PAFAH1B1: variants seen among roughly 807,000 people sequenced by gnomAD.
PAFAH1B1 encodes platelet activating factor acetylhydrolase 1b regulatory subunit 1.
A neutral mutation model predicts 57.5 loss-of-function variants in PAFAH1B1; 2 were observed. The ratio of observed to expected loss-of-function variants is 0.03; its 90% confidence interval spans 0.01 to 0.11. PAFAH1B1 has a LOEUF of 0.11. PAFAH1B1 is among the 10% of genes least tolerant of loss of function. PAFAH1B1 has a pLI of 1.00. For missense variants in PAFAH1B1, 257 were observed against 512.0 expected (o/e 0.50, Z 4.81); for synonymous variants, 152 against 169.6 (o/e 0.90, Z 0.81).
chr17:2,597,184 C>A (rs190424719), intron 1 of PAFAH1B1, among the ~76,000 whole-genome samples: 1 of 152,088 alleles, frequency 6.6e-6, no homozygotes, highest in Admixed American at 6.6e-5. Flanking sequence ...TTTCTTGATA[C>A]ATGTTGGAGA....
In PAFAH1B1 at chr17:2,683,740, C is replaced by G. The variant is rs574872873; in HGVS notation, c.*1938C>G. 1 of 152,606 alleles carries G rather than the reference C, an allele frequency of 6.6e-6. No individual in the cohort carries two copies. Among genetic ancestry groups the G allele is most frequent in the African/African-American group, 2.4e-5 (1 of 41,414 alleles). The allele number at this position is 152,606 out of a possible 1,614,324, so 9.5% of individuals were successfully genotyped here. On this transcript the variant is annotated 3_prime_UTR_variant, in exon 11 of 11. Coordinates refer to ENST00000397195, the MANE Select transcript of PAFAH1B1 (RefSeq NM_000430.4). ...CACAACCCTGCTTACATTGAAAAGT[C>G]TTTTTCCCTTAGCTCTTCTGACTGG... is the stretch of plus-strand genomic sequence containing the variant.
Position 2,666,103 on chromosome 17 carries a change from TTTTTC to T in PAFAH1B1, c.192+17_192+21del. 6.8e-7 allele frequency: 1 copy of T among 1,479,060 alleles called. No individual in the cohort carries two copies. The highest frequency in any genetic ancestry group is 9.2e-7 in the Non-Finnish European group (1 of 1,081,820). The allele number at this position is 1,479,060 out of a possible 1,614,324, so 91.6% of individuals were successfully genotyped here. ...ATTACAAAAGAAGGTAACTAAGTCT[TTTTTC>T]TTTAAAATTAGTTGTATTCAGTTAT... On this transcript the variant is annotated intron_variant, in intron 4 of 10. Coordinates refer to ENST00000397195, the MANE Select transcript of PAFAH1B1 (RefSeq NM_000430.4).
chr17:2,613,931 G>A (rs550770159), intron 1 of PAFAH1B1: 8 of 188,472 alleles, frequency 4.2e-5, no homozygotes, highest in South Asian at 3.4e-4. Flanking sequence ...ATTCTGGGGC[G>A]ACAGCAAGAG....
chr17:2,612,700 C>G (rs975729108), intron 1 of PAFAH1B1, among the ~76,000 whole-genome samples: 1 of 151,976 alleles, frequency 6.6e-6, no homozygotes, highest in African/African-American at 2.4e-5. Context: ...GCCTTGACTT[C>G]CTAGGCTCAA....
chr17:2,673,929 A>G (rs1001147743), intron 7 of PAFAH1B1, 131 bp from the exon 8 acceptor site: 5 of 687,496 alleles, frequency 7.3e-6, no homozygotes, highest in Middle Eastern at 3.9e-4. Flanking sequence ...CCAGGATTGT[A>G]CATTTATTCT....
intron 1 of PAFAH1B1, among the ~76,000 whole-genome samples, chr17:2,616,656 T>C (rs1355197958): frequency 6.6e-6 from 1 of 152,232 alleles, no homozygotes; most frequent in African/African-American, 2.4e-5. Context: ...CAGCAACATC[T>C]AAACTATTGT....
chr17:2,645,342 C>T (rs1597548230), intron 2 of PAFAH1B1, among the ~76,000 whole-genome samples: 1 of 151,696 alleles, frequency 6.6e-6, no homozygotes, highest in Non-Finnish European at 1.5e-5. Context: ...TCATGCCTGT[C>T]ATCCCAGCAC....
chr17:2,669,357 C>G (rs2069149342), intron 5 of PAFAH1B1, among the ~76,000 whole-genome samples: 2 of 151,716 alleles, frequency 1.3e-5, no homozygotes, highest in Admixed American at 1.3e-4. Flanking sequence ...CTCCGCCTCC[C>G]AGGTTCAAGC....
intron 1 of PAFAH1B1, among the ~76,000 whole-genome samples, chr17:2,620,580 G>A (rs890736092): frequency 1.3e-5 from 2 of 152,048 alleles, no homozygotes; most frequent in Non-Finnish European, 2.9e-5. Flanking sequence ...AGAAAGTAGC[G>A]TGGCCGGGCG....
intron 1 of PAFAH1B1, among the ~76,000 whole-genome samples, chr17:2,615,469 C>T (rs2068327129): frequency 6.6e-6 from 1 of 152,178 alleles, no homozygotes; most frequent in Non-Finnish European, 1.5e-5. Context: ...GAGATGGAGT[C>T]TCACTGTGTC....
intron 1 of PAFAH1B1, among the ~76,000 whole-genome samples, chr17:2,601,160 G>A (rs1353915506): frequency 2.0e-5 from 3 of 152,060 alleles, no homozygotes; most frequent in Admixed American, 1.3e-4. Flanking sequence ...TCAAGACTGA[G>A]TCTCGTTCTT....
chr17:2,655,216 T>TGTGTGTGTGTG (rs2068921821), intron 2 of PAFAH1B1, among the ~76,000 whole-genome samples: 2 of 149,928 alleles, frequency 1.3e-5, no homozygotes, highest in African/African-American at 2.5e-5. Context: ...TGTGTGTGTG[T>TGTGTGTGTGTG]TTATAAGAGT....
At chr17:2,610,377 T>C (rs1437848938) in intron 1 of PAFAH1B1, among the ~76,000 whole-genome samples, 2 of 152,206 alleles carry the variant, frequency 1.3e-5, no homozygotes, top group Non-Finnish European at 2.9e-5. Context: ...ATAATTTTCT[T>C]CCTACAGGCA....
At position 2,682,040 on chromosome 17, in the gene PAFAH1B1, G is replaced by T; in HGVS notation, c.*238G>T. 2 of 470,874 alleles carry T rather than the reference G, an allele frequency of 4.2e-6. No homozygotes were observed. The highest frequency in any genetic ancestry group is 3.8e-6 in the Non-Finnish European group (1 of 263,354). The allele number at this position is 470,874 out of a possible 1,614,324, so 29.2% of individuals were successfully genotyped here. A position where few individuals can be genotyped will look rare whatever the true frequency, so the allele number is the denominator to read the frequency against. On this transcript the variant is annotated 3_prime_UTR_variant, in exon 11 of 11. Transcript: ENST00000397195. ...CCATAGGGTTTAAAAACCTGGGCTG[G>T]CATTGGTCACACCAGGCCTAAGAAG...
chr17:2,666,962 T>C (rs2069114167), intron 4 of PAFAH1B1, 30 bp from the exon 5 acceptor site: 2 of 1,512,924 alleles, frequency 1.3e-6, no homozygotes, highest in Non-Finnish European at 1.8e-6. Context: ...TTGAAATCTA[T>C]CTGTACGTAA....
intron 10 of PAFAH1B1, 66 bp from the exon 11 acceptor site, chr17:2,681,663 G>T: frequency 1.7e-6 from 2 of 1,197,160 alleles, no homozygotes; most frequent in East Asian, 2.4e-5. Flanking sequence ...TAGAGAGGGG[G>T]TCTCACTATG....
At chr17:2,665,977 T>C (rs2069102045) in intron 3 of PAFAH1B1, 39 bp from the exon 4 acceptor site, 1 of 1,410,646 alleles carries the variant, frequency 7.1e-7, no homozygotes, top group Admixed American at 2.1e-5. Context: ...GGATCATAGT[T>C]AAGCCATTTT....
At chr17:2,679,897 A>G (rs976569845) in intron 9 of PAFAH1B1, 2 of 457,090 alleles carry the variant, frequency 4.4e-6, no homozygotes, top group Non-Finnish European at 7.9e-6. Flanking sequence ...TTGATAGACT[A>G]CATATTGAGA....
intron 7 of PAFAH1B1, 80 bp downstream of exon 7, chr17:2,672,837 A>C: frequency 1.2e-6 from 1 of 843,986 alleles, no homozygotes; most frequent in Non-Finnish European, 2.0e-6. Context: ...TGGGAGGCCA[A>C]GGTGGGCAGA....
Sources: allele counts gnomAD v4.1 joint callset (sites outside exome capture counted in the v4.1 genomes callset), GRCh38; gene constraint gnomAD v4.1.1; transcripts MANE v1.5; gene names NCBI Gene and HGNC (gene_info 2026-07-23, HGNC 2026-07-21).